SSBP2: variants seen among roughly 807,000 people sequenced by gnomAD.
The protein encoded by SSBP2 is single stranded DNA binding protein 2.
Under a neutral mutation model 61.8 loss-of-function variants are expected in SSBP2, and 17 were observed. That is an observed-to-expected ratio of 0.28 (90% CI 0.19 to 0.41). SSBP2 has a LOEUF of 0.41. Ranked by LOEUF, SSBP2 falls within the 10% of genes least tolerant of loss-of-function variation. The probability of loss-of-function intolerance (pLI) is 1.00; values close to 1 mark genes in which losing one functional copy is unlikely to be tolerated. For missense variants in SSBP2, 310 were observed against 458.7 expected (o/e 0.68, Z 2.96); for synonymous variants, 139 against 141.3 (o/e 0.98, Z 0.12).
chr5:81,479,793 T>G (rs1169533029), intron 6 of SSBP2, among the ~76,000 whole-genome samples: 4 of 152,180 alleles, frequency 2.6e-5, no homozygotes, highest in Non-Finnish European at 5.9e-5. Flanking sequence ...TCCTTTTTAA[T>G]GATAAAAAAC....
chr5:81,481,017 A>C (rs1765943624), intron 6 of SSBP2, among the ~76,000 whole-genome samples: 1 of 152,182 alleles, frequency 6.6e-6, no homozygotes, highest in African/African-American at 2.4e-5. Flanking sequence ...TTTTATTATG[A>C]GAGTGTGGCA....
At chr5:81,635,040 T>C (rs1041390964) in intron 3 of SSBP2, among the ~76,000 whole-genome samples, 7 of 152,214 alleles carry the variant, frequency 4.6e-5, no homozygotes, top group Non-Finnish European at 8.8e-5. Context: ...GTATCAAGCA[T>C]AGTATCTGGC....
intron 5 of SSBP2, among the ~76,000 whole-genome samples, chr5:81,493,591 T>G (rs1561466393): frequency 1.3e-5 from 2 of 151,900 alleles, no homozygotes; most frequent in East Asian, 3.9e-4. Context: ...CTATCTCTAG[T>G]AAAAAATACA....
chr5:81,583,430 C>T (rs945768021), intron 4 of SSBP2, among the ~76,000 whole-genome samples: 4 of 151,878 alleles, frequency 2.6e-5, no homozygotes, highest in Admixed American at 6.6e-5. Context: ...GAGATTGAGA[C>T]CATCCTGGCT....
chr5:81,615,333 A>T, intron 4 of SSBP2, 140 bp downstream of exon 4: 2 of 691,384 alleles, frequency 2.9e-6, no homozygotes, highest in East Asian at 5.5e-5. Context: ...AAAGTTATGA[A>T]CCTACTTTTC....
intron 1 of SSBP2, among the ~76,000 whole-genome samples, chr5:81,710,300 GT>G (rs1754682202): frequency 6.6e-6 from 1 of 152,002 alleles, no homozygotes; most frequent in Non-Finnish European, 1.5e-5. Flanking sequence ...CAAAGGCAGT[GT>G]TTTCTGATGT....
At chr5:81,548,037 T>C (rs566277582) in intron 4 of SSBP2, among the ~76,000 whole-genome samples, 1 of 152,294 alleles carries the variant, frequency 6.6e-6, no homozygotes, top group African/African-American at 2.4e-5. Context: ...AATATATACG[T>C]ATCCCAGAAC....
At chr5:81,676,007 A>G (rs957433337) in intron 1 of SSBP2, among the ~76,000 whole-genome samples, 2 of 152,122 alleles carry the variant, frequency 1.3e-5, no homozygotes, top group Non-Finnish European at 2.9e-5. Flanking sequence ...GTCCAACTCA[A>G]TGTGCTAAAA....
At chr5:81,423,515 C>T (rs750800504) in intron 16 of SSBP2, among the ~76,000 whole-genome samples, 9 of 151,922 alleles carry the variant, frequency 5.9e-5, no homozygotes, top group Non-Finnish European at 1.2e-4. Context: ...GAGGCTGAGG[C>T]GGGTGGATCA....
intron 4 of SSBP2, among the ~76,000 whole-genome samples, chr5:81,550,719 T>TATGGAATCATAG (rs1234352113): frequency 2.0e-5 from 3 of 152,346 alleles, no homozygotes; most frequent in East Asian, 3.9e-4. Context: ...GTTTGTATTC[T>TATGGAATCATAG]ATGGAATCAT....
At chr5:81,444,509 T>G (rs1160516406) in intron 12 of SSBP2, among the ~76,000 whole-genome samples, 3 of 152,148 alleles carry the variant, frequency 2.0e-5, no homozygotes, top group African/African-American at 7.2e-5. Context: ...TGCTTCCAAC[T>G]AGGACATAAT....
intron 2 of SSBP2, among the ~76,000 whole-genome samples, chr5:81,644,558 C>T (rs1455260976): frequency 2.6e-5 from 4 of 152,140 alleles, no homozygotes; most frequent in African/African-American, 9.7e-5. Context: ...TAGCTTATGT[C>T]TAGTATTCAA....
chr5:81,461,018 A>T lies in SSBP2; in HGVS notation c.687+37T>A, dbSNP rs1446015188. 5.6e-6 allele frequency: 7 copies of T among 1,250,702 alleles called. No homozygotes were observed. In the Admixed American group the frequency reaches 1.4e-4, roughly 25 times the overall value. The allele number at this position is 1,250,702 out of a possible 1,614,324, so 77.5% of individuals were successfully genotyped here. A position where few individuals can be genotyped will look rare whatever the true frequency, so the allele number is the denominator to read the frequency against. On this transcript the variant is annotated intron_variant, in intron 10 of 16. Coordinates refer to ENST00000320672, the MANE Select transcript of SSBP2 (RefSeq NM_012446.5). ...TGTGATTTTTGTTAAATGTTACAAA[A>T]TGCAAAATATTAAAAAAAATATATA...
intron 15 of SSBP2, among the ~76,000 whole-genome samples, chr5:81,432,474 C>T (rs1018120522): frequency 5.9e-5 from 9 of 152,214 alleles, no homozygotes; most frequent in East Asian, 3.9e-4. Flanking sequence ...CGGCCGGGCA[C>T]GGTGGCTCAT....
chr5:81,531,625 A>C (rs1278282234), intron 4 of SSBP2, among the ~76,000 whole-genome samples: 1 of 152,130 alleles, frequency 6.6e-6, no homozygotes, highest in African/African-American at 2.4e-5. Flanking sequence ...TATATGAAGA[A>C]TAAAGTAGGC....
At chr5:81,509,619 T>A (rs150641620) in intron 5 of SSBP2, among the ~76,000 whole-genome samples, 1,679 of 152,272 alleles carry the variant, frequency 0.011, 30 homozygotes, top group African/African-American at 0.038. Flanking sequence ...TACTTTGAGT[T>A]TTTTAATATT....
chr5:81,581,893 A>G (rs1165621604), intron 4 of SSBP2, among the ~76,000 whole-genome samples: 1 of 152,196 alleles, frequency 6.6e-6, no homozygotes, highest in Non-Finnish European at 1.5e-5. Context: ...CCATAATTCT[A>G]ACTAAAAATA....
chr5:81,453,774 G>A (rs530956340), intron 10 of SSBP2, among the ~76,000 whole-genome samples: 1 of 152,128 alleles, frequency 6.6e-6, no homozygotes, highest in Admixed American at 6.6e-5. Flanking sequence ...ATTCTTGAAG[G>A]CTGTCAGGCT....
At chr5:81,553,638 T>A (rs930210471) in intron 4 of SSBP2, among the ~76,000 whole-genome samples, 8 of 152,102 alleles carry the variant, frequency 5.3e-5, no homozygotes, top group Admixed American at 4.6e-4. Context: ...AAAATATACA[T>A]ATTGCTTCAT....
Sources: allele counts gnomAD v4.1 joint callset (sites outside exome capture counted in the v4.1 genomes callset), GRCh38; gene constraint gnomAD v4.1.1; transcripts MANE v1.5; gene names NCBI Gene and HGNC (gene_info 2026-07-23, HGNC 2026-07-21).